Variants in CCSER1 observed in about 807,000 individuals in gnomAD.
CCSER1 encodes serine-rich coiled-coil domain-containing protein 1.
Under a neutral mutation model 82.0 loss-of-function variants are expected in CCSER1, and 41 were observed. The observed-to-expected ratio is 0.50, with a 90% confidence interval of 0.39 to 0.65. The LOEUF is 0.65. Among genes scored for constraint, CCSER1 ranks in the 30% least tolerant of loss-of-function variants. CCSER1 has a pLI of 0.00. For missense variants in CCSER1, 1,119 were observed against 1,064.2 expected (o/e 1.05, Z -0.72); for synonymous variants, 414 against 383.9 (o/e 1.08, Z -0.92).
chr4:91,491,151 C>T (rs1156333059), intron 10 of CCSER1, among the ~76,000 whole-genome samples: 1 of 151,098 alleles, frequency 6.6e-6, no homozygotes, highest in Non-Finnish European at 1.5e-5. Context: ...TATATCTAGA[C>T]AATGATGGAG....
chr4:90,770,529 T>A (rs1751920007), intron 7 of CCSER1, among the ~76,000 whole-genome samples: 2 of 152,222 alleles, frequency 1.3e-5, no homozygotes, highest in African/African-American at 4.8e-5. Context: ...AATATTGTGT[T>A]CAAATGTTAG....
intron 10 of CCSER1, among the ~76,000 whole-genome samples, chr4:91,156,567 T>TA (rs1292695722): frequency 6.6e-6 from 1 of 151,510 alleles, no homozygotes; most frequent in Non-Finnish European, 1.5e-5. Context: ...ATTATTAAGT[T>TA]AAAAGAATTA....
At chr4:91,579,221 A>G (rs907773606) in intron 10 of CCSER1, among the ~76,000 whole-genome samples, 1 of 151,374 alleles carries the variant, frequency 6.6e-6, no homozygotes, top group African/African-American at 2.4e-5. Flanking sequence ...TTTGTTTATC[A>G]TTTATTTCCT....
At chr4:90,976,668 T>C (rs1309889762) in intron 9 of CCSER1, among the ~76,000 whole-genome samples, 1 of 151,522 alleles carries the variant, frequency 6.6e-6, no homozygotes, top group African/African-American at 2.4e-5. Context: ...AATGAGTATT[T>C]AAATAAAGTA....
intron 8 of CCSER1, among the ~76,000 whole-genome samples, chr4:90,837,822 A>G (rs1761998945): frequency 6.6e-6 from 1 of 152,172 alleles, no homozygotes. Flanking sequence ...ATAAATTTTT[A>G]ATTATTAATG....
intron 9 of CCSER1, among the ~76,000 whole-genome samples, chr4:91,055,081 T>G (rs1381383584): frequency 6.6e-6 from 1 of 152,194 alleles, no homozygotes; most frequent in Admixed American, 6.5e-5. Flanking sequence ...CTTACTGTCT[T>G]CTTTGTGTTT....
chr4:90,644,330 C>A (rs376992308), intron 6 of CCSER1, among the ~76,000 whole-genome samples: 15 of 152,196 alleles, frequency 9.9e-5, no homozygotes, highest in African/African-American at 3.6e-4. Flanking sequence ...TAGTTTTGTT[C>A]ATGAAGTAAA....
intron 9 of CCSER1, among the ~76,000 whole-genome samples, chr4:90,997,409 A>G (rs138682126): frequency 2.4e-3 from 358 of 152,284 alleles, no homozygotes; most frequent in African/African-American, 7.4e-3. Context: ...CTTTGGATCC[A>G]CGTGGACAAC....
chr4:91,441,249 G>A (rs28858805), intron 10 of CCSER1, among the ~76,000 whole-genome samples: 3 of 151,826 alleles, frequency 2.0e-5, no homozygotes, highest in Admixed American at 6.6e-5. Flanking sequence ...GAATCCAGCA[G>A]CACATCAAAA....
intron 10 of CCSER1, among the ~76,000 whole-genome samples, chr4:91,358,335 T>TTTTC (rs1748996848): frequency 6.7e-6 from 1 of 148,290 alleles, no homozygotes; most frequent in African/African-American, 2.5e-5. Context: ...TTTCTTGAAT[T>TTTTC]TTTTTTTTTT....
At chr4:91,281,468 C>A (rs1265644029) in intron 10 of CCSER1, among the ~76,000 whole-genome samples, 1 of 152,080 alleles carries the variant, frequency 6.6e-6, no homozygotes, top group South Asian at 2.1e-4. Context: ...GTACAAAGTG[C>A]AATCAAAAAG....
chr4:90,367,079 C>T (rs1746406721), intron 3 of CCSER1, among the ~76,000 whole-genome samples: 1 of 151,718 alleles, frequency 6.6e-6, no homozygotes, highest in Non-Finnish European at 1.5e-5. Flanking sequence ...AGAGAATTGT[C>T]AGCATTAATA....
intron 3 of CCSER1, among the ~76,000 whole-genome samples, chr4:90,366,466 A>G (rs553729864): frequency 1.5e-4 from 23 of 151,866 alleles, no homozygotes; most frequent in Non-Finnish European, 2.7e-4. Flanking sequence ...GCCAGTTAAT[A>G]TATCCATCAC....
chr4:90,510,615 G>T (rs1341963642), intron 5 of CCSER1, among the ~76,000 whole-genome samples: 1 of 152,128 alleles, frequency 6.6e-6, no homozygotes, highest in Non-Finnish European at 1.5e-5. Context: ...TCATGCTTTG[G>T]AACATTCCTA....
intron 10 of CCSER1, among the ~76,000 whole-genome samples, chr4:91,576,865 T>G (rs1227125583): frequency 3.3e-5 from 5 of 151,986 alleles, no homozygotes; most frequent in Non-Finnish European, 4.4e-5. Context: ...TAACCTATAT[T>G]TTCAGCACAC....
At chr4:91,161,605 A>C (rs1361588910) in intron 10 of CCSER1, among the ~76,000 whole-genome samples, 1 of 152,008 alleles carries the variant, frequency 6.6e-6, no homozygotes, top group Admixed American at 6.6e-5. Context: ...GTTCTCTTTG[A>C]AGAGGTCCTT....
chr4:91,426,591 T>C (rs1753994990), intron 10 of CCSER1, among the ~76,000 whole-genome samples: 1 of 152,166 alleles, frequency 6.6e-6, no homozygotes, highest in Non-Finnish European at 1.5e-5. Flanking sequence ...ATTCAGAATT[T>C]TAAAAAAACT....
chr4:90,540,655 G>T (rs890406627), intron 5 of CCSER1, among the ~76,000 whole-genome samples: 2 of 152,024 alleles, frequency 1.3e-5, no homozygotes, highest in African/African-American at 4.8e-5. Context: ...TTAATTTCTA[G>T]ATTTAAATCT....
intron 6 of CCSER1, among the ~76,000 whole-genome samples, chr4:90,672,567 T>C (rs970128203): frequency 6.6e-6 from 1 of 152,168 alleles, no homozygotes; most frequent in Middle Eastern, 3.4e-3. Context: ...CACTTTCTTA[T>C]TATTTATGCA....
Sources: allele counts gnomAD v4.1 joint callset (sites outside exome capture counted in the v4.1 genomes callset), GRCh38; gene constraint gnomAD v4.1.1; transcripts MANE v1.5; gene names NCBI Gene and HGNC (gene_info 2026-07-23, HGNC 2026-07-21).